The following DHX57 variants were observed in gnomAD, a reference collection of about 807,000 sequenced individuals.
The protein encoded by DHX57 is DExH-box helicase 57.
DHX57 carries 105 observed loss-of-function variants against 156.2 expected under a neutral mutation model. That is an observed-to-expected ratio of 0.67 (90% CI 0.57 to 0.79). The LOEUF (loss-of-function observed/expected upper bound fraction) is 0.79. Ranked by LOEUF, DHX57 falls within the 30% of genes least tolerant of loss-of-function variation. DHX57 has a pLI of 0.00. For synonymous variants in DHX57, 704 were observed against 595.6 expected, an observed-to-expected ratio of 1.18 and a Z score of -2.65; for missense variants, 1,847 against 1,661.9, an observed-to-expected ratio of 1.11 and a Z score of -1.94.
intron 4 of DHX57, 138 bp from the exon 5 acceptor site, chr2:38,861,975 T>C: frequency 8.2e-7 from 1 of 1,226,676 alleles, no homozygotes; most frequent in Non-Finnish European, 1.1e-6. Flanking sequence ...GCATCCCTGA[T>C]AACAATAAGC....
chr2:38,872,572 T>C (rs1665404397), intron 1 of DHX57, among the ~76,000 whole-genome samples: 1 of 152,072 alleles, frequency 6.6e-6, no homozygotes, highest in African/African-American at 2.4e-5. Context: ...ACAAGAAAGG[T>C]GGAGTGGCTA....
chr2:38,844,852 G>A (rs975255712), intron 11 of DHX57, among the ~76,000 whole-genome samples: 5 of 152,028 alleles, frequency 3.3e-5, no homozygotes, highest in African/African-American at 9.7e-5. Context: ...TTTATAGGTA[G>A]GAAACTAAAG....
chr2:38,826,663 G>C lies in DHX57; in HGVS notation c.2666C>G (p.Ser889Cys), dbSNP rs755124438. 9 of 1,614,012 alleles carry C rather than the reference G, an allele frequency of 5.6e-6. No individual in the cohort carries two copies. Among genetic ancestry groups the C allele is most frequent in the Non-Finnish European group, 7.6e-6 (9 of 1,179,996 alleles). ...AGCCTGCTGCTCTTCACTGGATAAA[G>C]ATGAATGAAGTGGGTGAATAACACA... ...NRCVIHPLHS[S>C]LSSEEQQAVF... Residue 889 changes from serine to cysteine, a missense_variant, in exon 15 of 24, where the codon TCT becomes TGT. Transcript: ENST00000457308.
intron 6 of DHX57, 190 bp from the exon 7 acceptor site, chr2:38,856,651 G>T (rs1024184432): frequency 1.7e-6 from 1 of 599,894 alleles, no homozygotes; most frequent in Non-Finnish European, 2.6e-6. Flanking sequence ...CTACAGGTGT[G>T]TGCCACTATA....
chr2:38,858,486 C>T (rs1673016071), intron 6 of DHX57, among the ~76,000 whole-genome samples, 175 bp downstream of exon 6: 2 of 152,292 alleles, frequency 1.3e-5, no homozygotes, highest in South Asian at 2.1e-4. Context: ...ATAGGATTTT[C>T]CAAAACCATC....
chr2:38,848,377 C>T lies in DHX57; in HGVS notation c.2056G>A (p.Asp686Asn). ...ESDFLLLVLK[D>N]IVSQRPGLQV... ...AGACCTGGCCTCTGCGATACAATGT[C>T]CTTCAAAACTAGCAGCAAGAAGTCA... Residue 686 changes from aspartate (D) to asparagine (N), a missense_variant, in exon 10 of 24, where the codon GAC becomes AAC. Asp to Asn is a conservative substitution (Grantham distance 23). Coordinates refer to ENST00000457308, the MANE Select transcript of DHX57 (RefSeq NM_198963.3). 6.2e-7 allele frequency: 1 copy of T among 1,604,268 alleles called. No homozygotes were observed.
Position 38,861,135 on chromosome 2 carries a change from T to C in DHX57, c.1275A>G (p.Leu425=), listed in dbSNP as rs773834578. The C allele has an allele frequency of 1.2e-6, 2 of 1,614,226 alleles. No individual in the cohort carries two copies. The highest frequency in any genetic ancestry group is 1.7e-6 in the Non-Finnish European group (2 of 1,180,028). Residue 425 remains leucine (L), a synonymous_variant, in exon 5 of 24, where the codon CTA becomes CTG. Coordinates refer to ENST00000457308, the MANE Select transcript of DHX57 (RefSeq NM_198963.3). ...LEEESEIVKL[L]TNTHHKYSDP... ...CACTATACTTGTGGTGGGTATTCGTTAGTAACTTGACTATTTCCGACTCTT... is the reference window on the plus strand; with the variant it reads ...CACTATACTTGTGGTGGGTATTCGTCAGTAACTTGACTATTTCCGACTCTT...
chr2:38,843,234 T>C, intron 11 of DHX57, 24 bp from the exon 12 acceptor site: 1 of 1,611,930 alleles, frequency 6.2e-7, no homozygotes, highest in Non-Finnish European at 8.5e-7. Context: ...AGGAATGTGG[T>C]TGTGTGTATG....
intron 7 of DHX57, 66 bp from the exon 8 acceptor site, chr2:38,855,318 C>A: frequency 6.7e-7 from 1 of 1,490,262 alleles, no homozygotes; most frequent in East Asian, 2.3e-5. Context: ...AAGAAGCAAT[C>A]ATATGGAATG....
Position 38,860,982 on chromosome 2 carries a change from A to G in DHX57, c.1411+17T>C. The G allele has an allele frequency of 1.9e-6, 3 of 1,600,886 alleles. No individual in the cohort carries two copies. The highest frequency in any genetic ancestry group is 2.6e-6 in the Non-Finnish European group (3 of 1,171,014). ...CATTCTGAATGCCTCCCTCCACAAG[A>G]TCAATGCCTTACATACCTTCTGGAA... On this transcript the variant is annotated intron_variant, in intron 5 of 23. Transcript: ENST00000457308.
At chr2:38,818,744 G>A (rs528419862) in intron 19 of DHX57, 133 bp downstream of exon 19, 105 of 1,002,724 alleles carry the variant, frequency 1.0e-4, no homozygotes, top group Admixed American at 7.0e-4. Flanking sequence ...CATTTTACAC[G>A]GCTGGTAAGG....
chr2:38,846,252 G>C (rs958568299), intron 11 of DHX57, among the ~76,000 whole-genome samples: 2 of 152,110 alleles, frequency 1.3e-5, no homozygotes, highest in Admixed American at 1.3e-4. Flanking sequence ...ATTTTTTAAT[G>C]CTCTCAGCAG....
Position 38,799,089 on chromosome 2 carries a change from C to T in DHX57, c.4018-647G>A, listed in dbSNP as rs181540648. The stretch of plus-strand genomic sequence containing the variant: ...ATTAAAAGTGGTAGAGAGGGCCGGG[C>T]CCGGTGGCTCACGCCTGTAATCCCA... On this transcript the variant is annotated intron_variant, in intron 23 of 23. Transcript: ENST00000457308. 2.3e-3 allele frequency among the ~76,000 whole-genome samples: 352 copies of T among 152,100 alleles called. 1 individual carries two copies. The highest frequency in any genetic ancestry group is 4.0e-3 in the Non-Finnish European group (271 of 67,990).
At position 38,842,990 on chromosome 2, in the gene DHX57, C is replaced by T. The variant is rs752336622; in HGVS notation, c.2425+15G>A. 5.0e-6 allele frequency: 8 copies of T among 1,611,062 alleles called. No individual in the cohort carries two copies. The South Asian group carries it at 8.8e-5, about 18-fold the overall frequency. On this transcript the variant is annotated intron_variant, in intron 12 of 23. Coordinates refer to ENST00000457308, the MANE Select transcript of DHX57 (RefSeq NM_198963.3). ...CTTTGGCATAATTATAATATTCCCCCAAGAGGCATGTTACCTTTATAGCGG... is the reference window on the plus strand; with the variant it reads ...CTTTGGCATAATTATAATATTCCCCTAAGAGGCATGTTACCTTTATAGCGG...
chr2:38,798,420 A>T lies in DHX57; in HGVS notation c.4040T>A (p.Leu1347His). 6.2e-7 allele frequency: 1 copy of T among 1,613,710 alleles called. No homozygotes were observed. The highest frequency in any genetic ancestry group is 8.5e-7 in the Non-Finnish European group (1 of 1,179,830). The change falls in exon 24 of 24, where the codon CTT becomes CAT. Residue 1347 changes from leucine to histidine, a missense_variant. Physicochemically the swap from Leu to His is moderately conservative, Grantham distance 99. Transcript: ENST00000457308. ...SHQVAELVKELRCELDQLLQD... is the reference protein window; with the variant it reads ...SHQVAELVKEHRCELDQLLQD... ...GAGAAGCTGATCAAGTTCGCAACGA[A>T]GCTCCTTTACCAGTTCAGCCACCTA...
At chr2:38,810,844 G>A in intron 21 of DHX57, 2 of 741,040 alleles carry the variant, frequency 2.7e-6, no homozygotes, top group Non-Finnish European at 4.9e-6. Context: ...GATACCTCAG[G>A]ACTTCATTTC....
intron 21 of DHX57, chr2:38,811,273 C>T (rs1048300429): frequency 1.7e-5 from 9 of 515,298 alleles, no homozygotes; most frequent in South Asian, 8.1e-5. Context: ...GGGGGGCCAG[C>T]GAGTAGCAGG....
In DHX57 at chr2:38,802,820, C is replaced by A. The variant is rs746331082; in HGVS notation, c.3912G>T (p.Pro1304=). Residue 1304 remains proline (P), a synonymous_variant, in exon 23 of 24, where the codon CCG becomes CCT. Transcript: ENST00000457308. Reference sequence around the variant, plus strand: ...CTTGGCCTCCTCCAAACAAGACCAGCGGGTACACAGACACCATGCTGCAGT... The same window carrying A: ...CTTGGCCTCCTCCAAACAAGACCAGAGGGTACACAGACACCATGCTGCAGT... ...IRDCSMVSVY[P]LVLFGGGQVN... is the part of the protein sequence containing the mutation. 1.9e-6 allele frequency: 3 copies of A among 1,614,026 alleles called. No individual in the cohort carries two copies. The highest frequency in any genetic ancestry group is 2.2e-5 in the South Asian group (2 of 91,090).
chr2:38,829,172 G>T (rs973927987), intron 13 of DHX57, among the ~76,000 whole-genome samples: 1 of 151,940 alleles, frequency 6.6e-6, no homozygotes, highest in African/African-American at 2.4e-5. Context: ...CAAACTCCTG[G>T]ACTCAAGTGA....
Sources: allele counts gnomAD v4.1 joint callset (sites outside exome capture counted in the v4.1 genomes callset), GRCh38; gene constraint gnomAD v4.1.1; transcripts MANE v1.5; gene names NCBI Gene and HGNC (gene_info 2026-07-23, HGNC 2026-07-21).